TPD52: variants seen among roughly 807,000 people sequenced by gnomAD.
TPD52 encodes tumor protein D52.
In TPD52, 17 loss-of-function variants were observed where a neutral mutation model predicts 31.3. The observed-to-expected ratio is 0.54, with a 90% CI of 0.37 to 0.82. The LOEUF (loss-of-function observed/expected upper bound fraction) is 0.82, where lower values mean the gene tolerates loss of function less well. Ranked by LOEUF, TPD52 falls within the 40% of genes least tolerant of loss-of-function variation. The probability of loss-of-function intolerance (pLI) is 0.00; values close to 1 mark genes in which losing one functional copy is unlikely to be tolerated. For synonymous variants in TPD52, 83 were observed against 89.6 expected, an observed-to-expected ratio of 0.93 and a Z score of 0.42; for missense variants, 212 against 240.1, an observed-to-expected ratio of 0.88 and a Z score of 0.77.
intron 1 of TPD52, among the ~76,000 whole-genome samples, chr8:80,157,549 A>T (rs1006947956): frequency 6.6e-6 from 1 of 152,200 alleles, no homozygotes; most frequent in Non-Finnish European, 1.5e-5. Context: ...AATGAAAATC[A>T]TTTCTCAAAA....
intron 1 of TPD52, among the ~76,000 whole-genome samples, chr8:80,157,575 T>G (rs1318608497): frequency 1.3e-5 from 2 of 152,166 alleles, no homozygotes; most frequent in Non-Finnish European, 2.9e-5. Flanking sequence ...CGAGCGAGAA[T>G]AGTTAACAAA....
chr8:80,164,013 TGAGAGAGAGACAGAGAGAGAGAGA>T (rs1404949356), intron 1 of TPD52, among the ~76,000 whole-genome samples: 31 of 123,664 alleles, frequency 2.5e-4, no homozygotes, highest in African/African-American at 9.8e-4. Flanking sequence ...ATTCTAACTG[TGAGAGAGAGACAGAGAGAGAGAGA>T]GAGAGAGAGA....
At chr8:80,120,805 C>A (rs889012880) in intron 1 of TPD52, among the ~76,000 whole-genome samples, 1 of 151,926 alleles carries the variant, frequency 6.6e-6, no homozygotes, top group African/African-American at 2.4e-5. Context: ...TCAGACTGGA[C>A]GGGGTGGTTC....
chr8:80,153,306 G>A (rs985494749), intron 1 of TPD52, among the ~76,000 whole-genome samples: 1 of 152,190 alleles, frequency 6.6e-6, no homozygotes, highest in East Asian at 1.9e-4. Context: ...GGGCCCGCAC[G>A]GTGAGCTGTC....
chr8:80,050,495 T>C (rs1347590578), intron 4 of TPD52, 24 bp from the exon 5 acceptor site: 1 of 1,593,548 alleles, frequency 6.3e-7, no homozygotes, highest in Admixed American at 1.8e-5. Context: ...GAGTAAGCAT[T>C]AAAAAAGAAA....
intron 1 of TPD52, among the ~76,000 whole-genome samples, chr8:80,162,442 A>T (rs1288490405): frequency 6.6e-6 from 1 of 152,132 alleles, no homozygotes; most frequent in Admixed American, 6.5e-5. Context: ...GGATAATAAC[A>T]TCTATAACCT....
intron 1 of TPD52, among the ~76,000 whole-genome samples, chr8:80,098,051 GT>G (rs1288936176): frequency 1.3e-5 from 2 of 152,216 alleles, no homozygotes; most frequent in Non-Finnish European, 2.9e-5. Flanking sequence ...CAGCCCATCT[GT>G]TTATAATATG....
chr8:80,118,584 G>A (rs1808035287), intron 1 of TPD52, among the ~76,000 whole-genome samples: 1 of 152,184 alleles, frequency 6.6e-6, no homozygotes, highest in African/African-American at 2.4e-5. Flanking sequence ...ATTCAATAAT[G>A]AAAAGACAAC....
rs1431539106 is a variant in TPD52 at position 80,154,572 on chromosome 8, C to T, written c.19+16853G>A. The stretch of plus-strand genomic sequence containing the variant: ...ACCTTTGAATCAAGAAAAGGGAAAG[C>T]TGCTGTGGCTTCTATGTTTCTCCTC... On this transcript the variant is annotated intron_variant, in intron 1 of 7. Transcript: ENST00000518937. Among the ~76,000 whole-genome samples the T allele has an allele frequency of 2.6e-5, 4 of 152,276 alleles. No individual in the cohort carries two copies. In the East Asian group the frequency reaches 7.7e-4, roughly 29 times the overall value.
intron 3 of TPD52, 172 bp from the exon 4 acceptor site, chr8:80,051,800 C>T (rs1030000398): frequency 3.0e-5 from 17 of 569,354 alleles, no homozygotes; most frequent in Admixed American, 1.7e-4. Flanking sequence ...ACCACATCTT[C>T]GTATGCTCAA....
intron 1 of TPD52, among the ~76,000 whole-genome samples, chr8:80,075,680 A>T (rs1301168421): frequency 4.6e-5 from 7 of 152,274 alleles, no homozygotes; most frequent in African/African-American, 1.7e-4. Context: ...TAAAACTAGT[A>T]ACTGGGACAT....
rs778809665 is a variant in TPD52 at position 80,042,197 on chromosome 8, G to GTTT, written c.504+422_504+423insAAA. 1.9e-5 allele frequency: 19 copies of GTTT among 985,284 alleles called. No individual in the cohort carries two copies. In the East Asian group the frequency reaches 5.7e-4, roughly 29 times the overall value. 61.0% of individuals were successfully genotyped at this position (985,284 alleles called of 1,614,324 possible). On this transcript the variant is annotated intron_variant, in intron 7 of 7. Coordinates refer to ENST00000518937, the MANE Select transcript of TPD52 (RefSeq NM_001025253.3). ...TGTATGGCTACTTCTTTTTTAAAGC[G>GTTT]TAACAGCATAATAGCACATACATCT...
chr8:80,168,294 G>C (rs932137408), intron 1 of TPD52, among the ~76,000 whole-genome samples: 1 of 152,188 alleles, frequency 6.6e-6, no homozygotes, highest in Non-Finnish European at 1.5e-5. Context: ...ACAATCAGTA[G>C]CAAGAACAGA....
intron 1 of TPD52, among the ~76,000 whole-genome samples, chr8:80,147,303 AAGGGAGACCTCGCTGACGGGAT>A (rs1810260822): frequency 6.6e-6 from 1 of 152,286 alleles, no homozygotes; most frequent in South Asian, 2.1e-4. Context: ...CAGCAAAAAT[AAGGGAGACCTCGCTGACGGGAT>A]AGGAGAATGA....
chr8:80,155,528 T>A (rs965980499), intron 1 of TPD52, among the ~76,000 whole-genome samples: 1 of 152,028 alleles, frequency 6.6e-6, no homozygotes, highest in Non-Finnish European at 1.5e-5. Context: ...ACTCGAGGCA[T>A]CTGAGGAAAA....
chr8:80,064,509 T>C lies in TPD52; in HGVS notation c.104A>G (p.Glu35Gly), dbSNP rs1273176991. 10 of 1,614,142 alleles carry C rather than the reference T, an allele frequency of 6.2e-6. No individual in the cohort carries two copies. Among genetic ancestry groups the C allele is most frequent in the Non-Finnish European group, 6.8e-6 (8 of 1,179,994 alleles). The change falls in exon 2 of 8, where the codon GAG becomes GGG. Residue 35 changes from glutamate to glycine, a missense_variant. By Grantham distance (98) the Glu-to-Gly change is moderately conservative (BLOSUM62 -2). Transcript: ENST00000518937. Reference protein sequence around the residue: ...ISATETLSEEEQEELRRELAK... With the variant: ...ISATETLSEEGQEELRRELAK... ...AAGTTCTCTTCTTAGCTCTTCCTGC[T>C]CCTCTTCCGAGAGGGTCTCTGTGGC... is the stretch of plus-strand genomic sequence containing the variant.
chr8:80,060,890 A>G lies in TPD52; in HGVS notation c.135+3588T>C, dbSNP rs182890424. ...TGGTTAAAGACTGAAAGCTTTCCCC[A>G]TAAGATCAGAAAAAAAGACAGGGAT... On this transcript the variant is annotated intron_variant, in intron 2 of 7. Transcript: ENST00000518937. 2.1e-3 allele frequency among the ~76,000 whole-genome samples: 325 copies of G among 152,322 alleles called. 2 individuals are homozygous for G. The highest frequency in any genetic ancestry group is 3.7e-3 in the Non-Finnish European group (249 of 68,026).
intron 1 of TPD52, among the ~76,000 whole-genome samples, chr8:80,111,822 A>G (rs1266802623): frequency 3.3e-5 from 5 of 152,204 alleles, no homozygotes; most frequent in African/African-American, 1.2e-4. Context: ...TCACTTAGGG[A>G]AAGTTTTCAT....
intron 2 of TPD52, among the ~76,000 whole-genome samples, chr8:80,056,447 T>C (rs1466045013): frequency 6.6e-6 from 1 of 152,166 alleles, no homozygotes; most frequent in Non-Finnish European, 1.5e-5. Context: ...GGGGAAAATA[T>C]TGGCAAATTA....
Sources: gnomAD v4.1 joint callset for allele counts (sites outside exome capture counted in the v4.1 genomes callset) on GRCh38, gnomAD v4.1.1 for gene constraint, MANE v1.5 for transcripts, NCBI Gene and HGNC (gene_info 2026-07-23, HGNC 2026-07-21) for gene names.